Variants in COP1 observed in about 807,000 individuals in gnomAD.
The protein encoded by COP1 is E3 ubiquitin-protein ligase COP1.
A neutral mutation model predicts 101.3 loss-of-function variants in COP1; 24 were observed. That is an observed-to-expected ratio of 0.24 (90% CI 0.17 to 0.33). The LOEUF is 0.33. Among genes scored for constraint, COP1 ranks in the 10% least tolerant of loss-of-function variants. The pLI is 1.00. For synonymous variants in COP1, 347 were observed against 341.9 expected, an observed-to-expected ratio of 1.01 and a Z score of -0.17; for missense variants, 663 against 906.2, an observed-to-expected ratio of 0.73 and a Z score of 3.45.
chr1:176,040,211 T>C (rs1022930953), intron 14 of COP1, among the ~76,000 whole-genome samples: 5 of 152,134 alleles, frequency 3.3e-5, no homozygotes, highest in Admixed American at 3.3e-4. Flanking sequence ...TCAAGGACAA[T>C]TTTTCTTTCT....
At position 176,030,894 on chromosome 1, in the gene COP1, T is replaced by G. The variant is rs1041678756; in HGVS notation, c.1613-3206A>C. Among the ~76,000 whole-genome samples, 2 of 151,978 alleles carry G rather than the reference T, an allele frequency of 1.3e-5. 1 individual carries two copies. The highest frequency in any genetic ancestry group is 2.9e-5 in the Non-Finnish European group (2 of 67,988). On this transcript the variant is annotated intron_variant, in intron 14 of 19. Transcript: ENST00000367669. ...AAGTTAAAATTACGTCAGACTAGAT[T>G]AGGATGGGTCCTAAATCCATTGACT...
chr1:176,148,393 TAA>T (rs74263829), intron 6 of COP1, among the ~76,000 whole-genome samples: 3 of 138,660 alleles, frequency 2.2e-5, no homozygotes. Context: ...GTTAGAAATT[TAA>T]AAAAAAAAAA....
At chr1:175,945,986 C>T (rs1649120384) in intron 19 of COP1, among the ~76,000 whole-genome samples, 1 of 152,122 alleles carries the variant, frequency 6.6e-6, no homozygotes, top group Admixed American at 6.5e-5. Flanking sequence ...CCTATGAGAA[C>T]CTATGTAGTT....
At chr1:175,993,165 A>C (rs1659098699) in intron 15 of COP1, among the ~76,000 whole-genome samples, 1 of 152,352 alleles carries the variant, frequency 6.6e-6, no homozygotes, top group South Asian at 2.1e-4. Context: ...AAACTACAAC[A>C]GACCTGCAGC....
intron 3 of COP1, among the ~76,000 whole-genome samples, chr1:176,165,045 T>A (rs1418775153): frequency 6.6e-6 from 1 of 152,114 alleles, no homozygotes; most frequent in African/African-American, 2.4e-5. Flanking sequence ...AATGCAAGTA[T>A]AAATATTTTT....
At chr1:176,151,590 C>G (rs1259836103) in intron 5 of COP1, among the ~76,000 whole-genome samples, 1 of 152,066 alleles carries the variant, frequency 6.6e-6, no homozygotes, top group Non-Finnish European at 1.5e-5. Flanking sequence ...TTTTCCTACC[C>G]TTCTCTGCAA....
intron 11 of COP1, among the ~76,000 whole-genome samples, chr1:176,047,399 G>C (rs1671707109): frequency 1.3e-5 from 2 of 152,160 alleles, no homozygotes; most frequent in South Asian, 4.1e-4. Context: ...ATTGCCCAAA[G>C]TTAGTCAATC....
chr1:176,168,089 G>A (rs1441529343), intron 3 of COP1, among the ~76,000 whole-genome samples: 2 of 150,842 alleles, frequency 1.3e-5, no homozygotes, highest in South Asian at 2.1e-4. Flanking sequence ...ACAGAGTCTC[G>A]CCCTGTCGCC....
At chr1:176,120,880 A>G (rs1687005775) in intron 8 of COP1, among the ~76,000 whole-genome samples, 1 of 152,190 alleles carries the variant, frequency 6.6e-6, no homozygotes, top group Non-Finnish European at 1.5e-5. Flanking sequence ...TAGTGGATAC[A>G]TTAGCTAATT....
At chr1:175,965,155 T>G (rs1651850715) in intron 18 of COP1, among the ~76,000 whole-genome samples, 2 of 152,160 alleles carry the variant, frequency 1.3e-5, no homozygotes, top group African/African-American at 4.8e-5. Flanking sequence ...TCCTGAAAAC[T>G]AAAATAGCTT....
At chr1:175,993,334 T>C (rs1419758593) in intron 15 of COP1, among the ~76,000 whole-genome samples, 5 of 152,012 alleles carry the variant, frequency 3.3e-5, no homozygotes, top group African/African-American at 7.3e-5. Flanking sequence ...AAAAGCAGAG[T>C]GCCTCTCCTC....
chr1:175,989,117 G>T, intron 16 of COP1: 1 of 319,078 alleles, frequency 3.1e-6, no homozygotes, highest in East Asian at 4.8e-5. Flanking sequence ...TGAGATAAGG[G>T]GGGAGGGTAT....
intron 12 of COP1, among the ~76,000 whole-genome samples, chr1:176,044,099 T>C (rs1040117832): frequency 1.3e-5 from 2 of 152,166 alleles, no homozygotes; most frequent in Admixed American, 6.5e-5. Flanking sequence ...CTTTGATACA[T>C]GAGGAAACGA....
chr1:176,150,853 A>G (rs976086041), intron 5 of COP1, among the ~76,000 whole-genome samples: 1 of 152,330 alleles, frequency 6.6e-6, no homozygotes, highest in East Asian at 1.9e-4. Context: ...AATTCACCAC[A>G]TGACACCTTC....
At chr1:175,982,556 T>C (rs966497887) in intron 18 of COP1, among the ~76,000 whole-genome samples, 3 of 152,208 alleles carry the variant, frequency 2.0e-5, no homozygotes, top group East Asian at 3.8e-4. Context: ...CTAGCTTATG[T>C]GGGTTAATTG....
intron 15 of COP1, among the ~76,000 whole-genome samples, chr1:176,024,717 CAAGAATA>C (rs2149048426): frequency 6.6e-6 from 1 of 151,958 alleles, no homozygotes; most frequent in East Asian, 1.9e-4. Flanking sequence ...CACAATAAAA[CAAGAATA>C]AAGAGAAGCA....
At position 176,064,841 on chromosome 1, in the gene COP1, C is replaced by T. The variant is rs886356577; in HGVS notation, c.1277+16311G>A. 4.6e-5 allele frequency among the ~76,000 whole-genome samples: 7 copies of T among 152,060 alleles called. No homozygotes were observed. The East Asian group carries it at 1.4e-3, about 29-fold the overall frequency. ...GTTTCACCATGTTGCCCAGACTGGT[C>T]TCGAGCTCCTGGGCTCAAGCAATCT... On this transcript the variant is annotated intron_variant, in intron 11 of 19. Transcript: ENST00000367669.
intron 11 of COP1, among the ~76,000 whole-genome samples, chr1:176,057,311 A>ACCTCTC (rs370930578): frequency 3.6e-4 from 55 of 151,852 alleles, no homozygotes; most frequent in African/African-American, 9.9e-4. Context: ...CAAGAATGTG[A>ACCTCTC]CCTCTCCCTC....
In COP1 at chr1:176,046,199, G is replaced by C; in HGVS notation, c.1403C>G (p.Thr468Ser). Residue 468 changes from threonine (T) to serine (S), a missense_variant, in exon 12 of 20, where the codon ACC (threonine) becomes AGC (serine). Physicochemically the swap from Thr to Ser is moderately conservative, Grantham distance 58. Transcript: ENST00000367669. Reference sequence around the variant, plus strand: ...TAAATACCTGATTTTCGAATTGCAGGTCATTTCATTCTCAGGGTAATGAAT... The same window carrying C: ...TAAATACCTGATTTTCGAATTGCAGCTCATTTCATTCTCAGGGTAATGAAT... ...VDIHYPENEM[T>S]CNSKISCISW... 6.2e-7 allele frequency: 1 copy of C among 1,603,528 alleles called. No individual in the cohort carries two copies. The highest frequency in any genetic ancestry group is 1.3e-5 in the African/African-American group (1 of 74,502).
Sources: allele counts gnomAD v4.1 joint callset (sites outside exome capture counted in the v4.1 genomes callset), GRCh38; gene constraint gnomAD v4.1.1; transcripts MANE v1.5; gene names NCBI Gene and HGNC (gene_info 2026-07-23, HGNC 2026-07-21).